SPAG16: variants seen among roughly 807,000 people sequenced by gnomAD.
The protein encoded by SPAG16 is sperm associated antigen 16.
In SPAG16, 86 loss-of-function variants were observed where a neutral mutation model predicts 80.4. The ratio of observed to expected loss-of-function variants is 1.07; its 90% CI spans 0.90 to 1.28. The LOEUF is 1.28. Among genes scored for constraint, SPAG16 ranks in the 50% most tolerant of loss-of-function variants. SPAG16 has a pLI of 0.00. For missense variants in SPAG16, 870 were observed against 765.3 expected (o/e 1.14, Z -1.61); for synonymous variants, 294 against 265.9 (o/e 1.11, Z -1.03).
At chr2:214,118,338 A>G (rs2054045617) in intron 14 of SPAG16, among the ~76,000 whole-genome samples, 1 of 152,170 alleles carries the variant, frequency 6.6e-6, no homozygotes, top group Non-Finnish European at 1.5e-5. Flanking sequence ...AGAAGAGGAC[A>G]CTAATAAATG....
chr2:214,120,679 C>T (rs766605), intron 14 of SPAG16, among the ~76,000 whole-genome samples: 29,094 of 151,720 alleles, frequency 0.19, 3,561 homozygotes, highest in Non-Finnish European at 0.28. Context: ...AAAATATCCA[C>T]AGGCACCGCT....
At chr2:213,677,756 C>T (rs542165825) in intron 10 of SPAG16, among the ~76,000 whole-genome samples, 14 of 152,258 alleles carry the variant, frequency 9.2e-5, no homozygotes, top group African/African-American at 3.1e-4. Context: ...CTCAGCTCTG[C>T]ACCAAGCGGA....
intron 10 of SPAG16, among the ~76,000 whole-genome samples, chr2:213,711,756 G>C (rs2065998127): frequency 6.6e-6 from 1 of 151,942 alleles, no homozygotes; most frequent in Non-Finnish European, 1.5e-5. Flanking sequence ...CTGACCTCAG[G>C]TGATCTGCCT....
At chr2:213,998,233 G>T (rs2046619923) in intron 12 of SPAG16, among the ~76,000 whole-genome samples, 1 of 152,126 alleles carries the variant, frequency 6.6e-6, no homozygotes, top group Admixed American at 6.5e-5. Flanking sequence ...ATATGGTTTG[G>T]CTTTGTGTCC....
intron 1 of SPAG16, chr2:213,285,843 G>T: frequency 8.0e-7 from 1 of 1,254,636 alleles, no homozygotes. Flanking sequence ...GTCTTTTCCA[G>T]TGATATTCCT....
intron 13 of SPAG16, among the ~76,000 whole-genome samples, chr2:214,043,579 A>G (rs911411482): frequency 6.6e-6 from 1 of 152,184 alleles, no homozygotes; most frequent in African/African-American, 2.4e-5. Context: ...AAATTGATGT[A>G]ATGGAAATGG....
intron 12 of SPAG16, among the ~76,000 whole-genome samples, chr2:213,961,142 TC>T (rs2044395771): frequency 6.6e-6 from 1 of 152,208 alleles, no homozygotes; most frequent in Non-Finnish European, 1.5e-5. Flanking sequence ...TTGGTCAGAT[TC>T]TTCTAGTGCG....
intron 9 of SPAG16, among the ~76,000 whole-genome samples, chr2:213,482,483 A>G (rs923496606): frequency 2.6e-5 from 4 of 152,214 alleles, no homozygotes; most frequent in African/African-American, 9.6e-5. Flanking sequence ...GCATTTTCTT[A>G]TTTAGTAGGA....
chr2:213,632,953 C>T (rs1222506224), intron 10 of SPAG16, among the ~76,000 whole-genome samples: 1 of 152,078 alleles, frequency 6.6e-6, no homozygotes, highest in Non-Finnish European at 1.5e-5. Flanking sequence ...GTATCTTTGT[C>T]TGGTTTTGGC....
intron 12 of SPAG16, among the ~76,000 whole-genome samples, chr2:214,001,691 A>T (rs761575780): frequency 7.9e-5 from 12 of 152,210 alleles, no homozygotes; most frequent in Non-Finnish European, 1.8e-4. Flanking sequence ...ACATACCTTG[A>T]TGGTACGGAT....
At chr2:214,153,052 C>T (rs2056053128) in intron 15 of SPAG16, among the ~76,000 whole-genome samples, 1 of 152,078 alleles carries the variant, frequency 6.6e-6, no homozygotes, top group Non-Finnish European at 1.5e-5. Flanking sequence ...TCAGGCCCTC[C>T]ACAAGAGGTG....
intron 12 of SPAG16, among the ~76,000 whole-genome samples, chr2:214,003,041 C>A (rs556268343): frequency 1.3e-5 from 2 of 152,294 alleles, no homozygotes; most frequent in South Asian, 4.1e-4. Context: ...CATTTGACAA[C>A]TTCCGTAGTG....
chr2:214,326,928 G>C (rs1696532577), intron 15 of SPAG16, among the ~76,000 whole-genome samples: 1 of 111,200 alleles, frequency 9.0e-6, no homozygotes, highest in Admixed American at 1.3e-4. Context: ...CTGGGCGACA[G>C]AGTGAGACTA....
At chr2:214,061,051 A>G (rs1407771604) in intron 13 of SPAG16, among the ~76,000 whole-genome samples, 1 of 152,198 alleles carries the variant, frequency 6.6e-6, no homozygotes, top group Non-Finnish European at 1.5e-5. Flanking sequence ...ACTCTCTAAG[A>G]GGAGAAGTTG....
At chr2:214,105,269 A>G (rs1363005321) in intron 13 of SPAG16, among the ~76,000 whole-genome samples, 1 of 152,180 alleles carries the variant, frequency 6.6e-6, no homozygotes, top group Admixed American at 6.5e-5. Flanking sequence ...GAACTCAGGG[A>G]GAAGTAAGGG....
chr2:213,433,753 A>G (rs1575579960), intron 9 of SPAG16, among the ~76,000 whole-genome samples: 2 of 152,274 alleles, frequency 1.3e-5, no homozygotes, highest in South Asian at 4.1e-4. Context: ...TAATCTTAAA[A>G]TTTATATGGA....
intron 10 of SPAG16, among the ~76,000 whole-genome samples, chr2:213,860,500 T>A (rs968098931): frequency 3.5e-5 from 5 of 144,466 alleles, no homozygotes; most frequent in Middle Eastern, 3.6e-3. Context: ...CACATATGTG[T>A]GTGTACATGT....
intron 9 of SPAG16, among the ~76,000 whole-genome samples, chr2:213,379,412 A>G (rs2067051478): frequency 6.6e-6 from 1 of 152,242 alleles, no homozygotes; most frequent in African/African-American, 2.4e-5. Context: ...CAGCTGCTTC[A>G]GGATGATGGG....
rs111270289 is a variant in SPAG16 at position 213,727,814 on chromosome 2, G to A, written c.1071-134671G>A. ...AACATGTAAAGAACATAAAAGGGAG[G>A]TGCTTTAGTCAGATTAGATGAATGA... On this transcript the variant is annotated intron_variant, in intron 10 of 15. Coordinates refer to ENST00000331683, the MANE Select transcript of SPAG16 (RefSeq NM_024532.5). Among the ~76,000 whole-genome samples, 13 of 152,260 alleles carry A rather than the reference G, an allele frequency of 8.5e-5. 1 individual carries two copies. The highest frequency in any genetic ancestry group is 2.4e-4 in the African/African-American group (10 of 41,556).
Sources: gnomAD v4.1 joint callset for allele counts (sites outside exome capture counted in the v4.1 genomes callset) on GRCh38, gnomAD v4.1.1 for gene constraint, MANE v1.5 for transcripts, NCBI Gene and HGNC (gene_info 2026-07-23, HGNC 2026-07-21) for gene names.